DTD1: variants seen among roughly 807,000 people sequenced by gnomAD.
DTD1 encodes D-tyrosyl-tRNA deacylase 1 homolog.
A neutral mutation model predicts 25.6 loss-of-function variants in DTD1; 13 were observed. The ratio of observed to expected loss-of-function variants is 0.51; its 90% CI spans 0.33 to 0.81. The LOEUF is 0.81. Ranked by LOEUF, DTD1 falls within the 30% of genes least tolerant of loss-of-function variation. The pLI, the probability that DTD1 is intolerant of heterozygous loss-of-function variation, is 0.02. For missense variants in DTD1, 193 were observed against 266.4 expected (o/e 0.72, Z 1.92); for synonymous variants, 110 against 103.6 (o/e 1.06, Z -0.37).
chr20:18,727,417 G>A (rs1015681429), intron 4 of DTD1, among the ~76,000 whole-genome samples: 1 of 151,862 alleles, frequency 6.6e-6, no homozygotes, highest in Non-Finnish European at 1.5e-5. Context: ...AGTGGGTGGC[G>A]AGGAGACTGG....
chr20:18,689,089 TAGAG>T (rs1374813968), intron 4 of DTD1, among the ~76,000 whole-genome samples: 3 of 152,218 alleles, frequency 2.0e-5, no homozygotes, highest in African/African-American at 4.8e-5. Flanking sequence ...TGGACCGTAA[TAGAG>T]AGCTGAACAG....
At chr20:18,624,630 A>G (rs146815888) in intron 3 of DTD1, among the ~76,000 whole-genome samples, 176 of 152,242 alleles carry the variant, frequency 1.2e-3, no homozygotes, top group Middle Eastern at 3.4e-3. Flanking sequence ...CAAACACTGC[A>G]TCATCCCCAC....
At chr20:18,650,414 C>T (rs372311266) in intron 4 of DTD1, among the ~76,000 whole-genome samples, 2 of 152,286 alleles carry the variant, frequency 1.3e-5, no homozygotes, top group African/African-American at 4.8e-5. Context: ...GCCCCGTCCT[C>T]CCTGCCCACA....
intron 1 of DTD1, among the ~76,000 whole-genome samples, 197 bp downstream of exon 1, chr20:18,588,312 C>A (rs901256237): frequency 1.1e-4 from 17 of 152,162 alleles, no homozygotes; most frequent in Admixed American, 4.6e-4. Flanking sequence ...CGGAGAGCCC[C>A]CTGCACGTGC....
intron 4 of DTD1, among the ~76,000 whole-genome samples, chr20:18,634,700 A>T (rs1393428012): frequency 6.6e-6 from 1 of 152,178 alleles, no homozygotes; most frequent in Non-Finnish European, 1.5e-5. Flanking sequence ...CTTTTGTAGG[A>T]TCTGAAAGAA....
At chr20:18,727,787 A>G (rs1568683074) in intron 4 of DTD1, among the ~76,000 whole-genome samples, 1 of 152,146 alleles carries the variant, frequency 6.6e-6, no homozygotes, top group Non-Finnish European at 1.5e-5. Flanking sequence ...CACAGAGCAG[A>G]GCATCATCGG....
At chr20:18,742,572 C>A (rs2061282693) in intron 4 of DTD1, among the ~76,000 whole-genome samples, 1 of 152,152 alleles carries the variant, frequency 6.6e-6, no homozygotes, top group East Asian at 1.9e-4. Context: ...TTGCAGGCTT[C>A]TTATGAGAAT....
intron 1 of DTD1, 38 bp from the exon 2 acceptor site, chr20:18,593,693 G>T: frequency 6.7e-7 from 1 of 1,502,286 alleles, no homozygotes; most frequent in South Asian, 1.1e-5. Context: ...GACCTTGTTT[G>T]GTTCTGAGTT....
intron 4 of DTD1, among the ~76,000 whole-genome samples, chr20:18,667,790 C>T (rs2060937440): frequency 6.6e-6 from 1 of 152,170 alleles, no homozygotes; most frequent in Admixed American, 6.5e-5. Context: ...CCTGAGCGCC[C>T]TCTCCCTTCT....
intron 4 of DTD1, among the ~76,000 whole-genome samples, chr20:18,677,016 G>T (rs985290061): frequency 2.0e-5 from 3 of 152,150 alleles, no homozygotes; most frequent in African/African-American, 7.2e-5. Flanking sequence ...AAAAGAAACA[G>T]GTATTTCCTA....
chr20:18,629,954 C>T (rs2060777880), intron 4 of DTD1, among the ~76,000 whole-genome samples: 1 of 152,072 alleles, frequency 6.6e-6, no homozygotes, highest in African/African-American at 2.4e-5. Context: ...TCACCTCCCA[C>T]CAGGCCCCTC....
At chr20:18,735,413 C>T (rs772621134) in intron 4 of DTD1, among the ~76,000 whole-genome samples, 1 of 152,226 alleles carries the variant, frequency 6.6e-6, no homozygotes, top group Admixed American at 6.5e-5. Flanking sequence ...GAAGGCTTGG[C>T]CAGGAGTCCT....
rs1362876387 is a variant in DTD1 at position 18,749,372 on chromosome 20, T to C, written c.*19+5101T>C. ...GCTCCAGAGGGTGTTCTCTGCCTGG[T>C]GGAGGGTGTGGAGGAAAGCTGTGTT... On this transcript the variant is annotated intron_variant, in intron 5 of 5. Coordinates refer to ENST00000377452, the MANE Select transcript of DTD1 (RefSeq NM_080820.6). The surrounding 1 kb of genome is among the most constrained non-coding windows in gnomAD (Gnocchi z 4.2). Among the ~76,000 whole-genome samples the C allele has an allele frequency of 6.6e-6, 1 of 151,852 alleles. No individual in the cohort carries two copies. Among genetic ancestry groups the C allele is most frequent in the African/African-American group, 2.4e-5 (1 of 41,310 alleles).
At chr20:18,660,209 A>G (rs943090146) in intron 4 of DTD1, among the ~76,000 whole-genome samples, 4 of 152,226 alleles carry the variant, frequency 2.6e-5, no homozygotes, top group Non-Finnish European at 4.4e-5. Flanking sequence ...TCCGTCTCAA[A>G]AAAAAAGTAT....
chr20:18,654,353 T>G (rs1425651678), intron 4 of DTD1, among the ~76,000 whole-genome samples: 1 of 152,210 alleles, frequency 6.6e-6, no homozygotes, highest in Non-Finnish European at 1.5e-5. Flanking sequence ...GCCATGATTG[T>G]GAGGCCTCCC....
chr20:18,597,009 TATA>T (rs1038369029), intron 3 of DTD1, among the ~76,000 whole-genome samples: 4 of 152,322 alleles, frequency 2.6e-5, no homozygotes, highest in African/African-American at 9.6e-5. Flanking sequence ...TGGGCAAATT[TATA>T]ATGACATGTG....
chr20:18,708,322 AT>A lies in DTD1; in HGVS notation c.478-35777del, dbSNP rs1568677073. On this transcript the variant is annotated intron_variant, in intron 4 of 5. Transcript: ENST00000377452. ...AATATATATATTTTATATATATATT[AT>A]ATATATATATTTTATATATATATTA... Among the ~76,000 whole-genome samples the A allele has an allele frequency of 5.3e-3, 220 of 41,440 alleles. 5 individuals are homozygous for A. Among genetic ancestry groups the A allele is most frequent in the African/African-American group, 6.8e-3 (84 of 12,434 alleles). The allele number at this position is 41,440 out of a possible 152,430, so 27.2% of individuals were successfully genotyped here.
chr20:18,648,737 C>T (rs2060859846), intron 4 of DTD1, among the ~76,000 whole-genome samples: 1 of 151,808 alleles, frequency 6.6e-6, no homozygotes, highest in Admixed American at 6.6e-5. Context: ...TTGTGCAGTG[C>T]CAGTTTTAAA....
At chr20:18,700,687 T>G (rs2061101235) in intron 4 of DTD1, among the ~76,000 whole-genome samples, 1 of 152,168 alleles carries the variant, frequency 6.6e-6, no homozygotes, top group Non-Finnish European at 1.5e-5. Context: ...GTGACCCTTT[T>G]GACGTGGCGT....
Sources: allele counts gnomAD v4.1 joint callset (sites outside exome capture counted in the v4.1 genomes callset), GRCh38; gene constraint gnomAD v4.1.1; non-coding constraint Gnocchi (gnomAD v3.1); transcripts MANE v1.5; gene names NCBI Gene and HGNC (gene_info 2026-07-23, HGNC 2026-07-21).